Variants in PIK3C3 observed in about 807,000 individuals in gnomAD.
PIK3C3 encodes the protein phosphatidylinositol 3-kinase catalytic subunit type 3.
In PIK3C3, 95 loss-of-function variants were observed where a neutral mutation model predicts 126.1. The ratio of observed to expected loss-of-function variants is 0.75; its 90% CI spans 0.64 to 0.89. PIK3C3 has a LOEUF of 0.89. PIK3C3 is among the 40% of genes least tolerant of loss of function. The pLI, the probability that PIK3C3 is intolerant of heterozygous loss-of-function variation, is 0.00. For missense variants in PIK3C3, 829 were observed against 1,063.2 expected (o/e 0.78, Z 3.06); for synonymous variants, 374 against 360.0 (o/e 1.04, Z -0.44).
intron 21 of PIK3C3, among the ~76,000 whole-genome samples, chr18:42,054,316 G>C (rs900026530): frequency 6.6e-6 from 1 of 150,644 alleles, no homozygotes; most frequent in Non-Finnish European, 1.5e-5. Context: ...TCGGATGTTC[G>C]AGGGTAGGAA....
chr18:41,980,174 T>A (rs1055710708), intron 4 of PIK3C3, among the ~76,000 whole-genome samples: 46 of 152,308 alleles, frequency 3.0e-4, no homozygotes, highest in African/African-American at 1.0e-3. Flanking sequence ...CTAAAATTGC[T>A]TTCAATTGAT....
intron 3 of PIK3C3, 127 bp from the exon 4 acceptor site, chr18:41,970,200 G>T (rs1402623803): frequency 5.4e-6 from 4 of 733,998 alleles, no homozygotes; most frequent in Non-Finnish European, 9.1e-6. Context: ...TCCATTGGGG[G>T]CTTAAAGCTT....
Position 42,087,558 on chromosome 18 carries a change from A to G in PIK3C3, c.*6421A>G, listed in dbSNP as rs1029318535. ...TTGTCTATGTCTGCAGCTCAACTTTACAGGCTGCTCTTTGTTAGCAAATGA... is the reference window on the plus strand; with the variant it reads ...TTGTCTATGTCTGCAGCTCAACTTTGCAGGCTGCTCTTTGTTAGCAAATGA... On this transcript the variant is annotated 3_prime_UTR_variant, in exon 25 of 25. Coordinates refer to ENST00000262039, the MANE Select transcript of PIK3C3 (RefSeq NM_002647.4). The G allele has an allele frequency of 6.6e-6, 1 of 152,304 alleles. No individual in the cohort carries two copies. Among genetic ancestry groups the G allele is most frequent in the African/African-American group, 2.4e-5 (1 of 41,570 alleles). 9.4% of individuals were successfully genotyped at this position (152,304 alleles called of 1,614,324 possible).
chr18:42,048,774 T>G (rs1210335490), intron 20 of PIK3C3, among the ~76,000 whole-genome samples: 2 of 152,210 alleles, frequency 1.3e-5, no homozygotes, highest in African/African-American at 4.8e-5. Flanking sequence ...TTTTTACACA[T>G]GGGCTGAAAT....
intron 9 of PIK3C3, among the ~76,000 whole-genome samples, chr18:42,004,092 G>T (rs1191107008): frequency 6.6e-6 from 1 of 152,144 alleles, no homozygotes; most frequent in Admixed American, 6.5e-5. Context: ...ATAGCAAAAT[G>T]AAGAAAAGCC....
chr18:42,079,502 A>G (rs935914727), intron 24 of PIK3C3, among the ~76,000 whole-genome samples: 1 of 152,220 alleles, frequency 6.6e-6, no homozygotes, highest in Non-Finnish European at 1.5e-5. Context: ...ACAGAGACAC[A>G]AAGTGAACAT....
At chr18:42,031,812 CATTT>C (rs1300427271) in intron 15 of PIK3C3, among the ~76,000 whole-genome samples, 1 of 152,182 alleles carries the variant, frequency 6.6e-6, no homozygotes, top group Non-Finnish European at 1.5e-5. Context: ...GGATATTACT[CATTT>C]ATGTGTTCTA....
At chr18:42,060,669 AG>A (rs930304809) in intron 22 of PIK3C3, among the ~76,000 whole-genome samples, 2 of 151,998 alleles carry the variant, frequency 1.3e-5, no homozygotes, top group African/African-American at 4.8e-5. Flanking sequence ...CTCAGCTACT[AG>A]GGAGGCTGAG....
At chr18:42,004,676 A>G (rs1982457788) in intron 10 of PIK3C3, 135 bp downstream of exon 10, 9 of 647,986 alleles carry the variant, frequency 1.4e-5, no homozygotes, top group Admixed American at 3.6e-5. Context: ...AGAAGGGAAG[A>G]GGATATACTA....
intron 12 of PIK3C3, among the ~76,000 whole-genome samples, chr18:42,015,957 A>G (rs1196163990): frequency 6.6e-6 from 1 of 152,178 alleles, no homozygotes; most frequent in Non-Finnish European, 1.5e-5. Flanking sequence ...GCAACTTTTT[A>G]ACTATACATA....
intron 19 of PIK3C3, among the ~76,000 whole-genome samples, chr18:42,043,458 G>T (rs554268463): frequency 6.6e-6 from 1 of 152,172 alleles, no homozygotes; most frequent in East Asian, 1.9e-4. Context: ...GGTTTTGTTT[G>T]TTTGTTTGTT....
Position 42,085,673 on chromosome 18 carries a change from T to A in PIK3C3, c.*4536T>A, listed in dbSNP as rs1427327168. On this transcript the variant is annotated 3_prime_UTR_variant, in exon 25 of 25. Coordinates refer to ENST00000262039, the MANE Select transcript of PIK3C3 (RefSeq NM_002647.4). Reference sequence around the variant, plus strand: ...ATAACCCCCTAAATAAGAAGTCTGATTTATCTAAAATAGAAGTTAACATAG... The same window carrying A: ...ATAACCCCCTAAATAAGAAGTCTGAATTATCTAAAATAGAAGTTAACATAG... The A allele has an allele frequency of 1.3e-5, 2 of 152,332 alleles. No individual in the cohort carries two copies. The highest frequency in any genetic ancestry group is 2.9e-5 in the Non-Finnish European group (2 of 68,022). The allele number at this position is 152,332 out of a possible 1,614,324, so 9.4% of individuals were successfully genotyped here.
intron 4 of PIK3C3, among the ~76,000 whole-genome samples, chr18:41,987,510 C>T (rs1232262885): frequency 2.6e-5 from 4 of 151,948 alleles, no homozygotes; most frequent in Non-Finnish European, 5.9e-5. Flanking sequence ...AATTTCATCT[C>T]TTTGTAATAG....
chr18:41,965,757 T>C (rs1329307356), intron 3 of PIK3C3, among the ~76,000 whole-genome samples: 1 of 152,178 alleles, frequency 6.6e-6, no homozygotes, highest in East Asian at 1.9e-4. Context: ...TGTAATTCTG[T>C]GTATATCCCA....
At chr18:42,049,367 C>A in intron 20 of PIK3C3, 164 bp from the exon 21 acceptor site, 1 of 458,710 alleles carries the variant, frequency 2.2e-6, no homozygotes, top group South Asian at 4.5e-5. Context: ...CTTTGAGTTT[C>A]AAGTGACAGA....
chr18:42,023,568 T>C (rs1437045498), intron 13 of PIK3C3, among the ~76,000 whole-genome samples: 1 of 152,236 alleles, frequency 6.6e-6, no homozygotes, highest in Admixed American at 6.5e-5. Flanking sequence ...TAATTGTTTT[T>C]CCCATATTTA....
chr18:42,036,963 A>G (rs12606434), intron 16 of PIK3C3, among the ~76,000 whole-genome samples: 1 of 152,124 alleles, frequency 6.6e-6, no homozygotes, highest in Non-Finnish European at 1.5e-5. Context: ...TGTTTCATGC[A>G]CAAAATTACT....
intron 4 of PIK3C3, among the ~76,000 whole-genome samples, chr18:41,972,768 C>A (rs77681529): frequency 6.6e-6 from 1 of 152,028 alleles, no homozygotes; most frequent in Non-Finnish European, 1.5e-5. Context: ...GAAGGAAGCT[C>A]TTTTTATTTT....
rs571991003 is a variant in PIK3C3 at position 42,046,000 on chromosome 18, G to A, written c.2188+2183G>A. 2.0e-4 allele frequency among the ~76,000 whole-genome samples: 30 copies of A among 152,204 alleles called. 1 individual carries two copies. In the East Asian group the frequency reaches 5.8e-3, roughly 29 times the overall value. On this transcript the variant is annotated intron_variant, in intron 20 of 24. Coordinates refer to ENST00000262039, the MANE Select transcript of PIK3C3 (RefSeq NM_002647.4). The stretch of plus-strand genomic sequence containing the variant: ...TCAGAATGGTATGTTACAGGTACAT[G>A]CTTAATGTCGTACCATTGTGTCTTT...
Sources: gnomAD v4.1 joint callset for allele counts (sites outside exome capture counted in the v4.1 genomes callset) on GRCh38, gnomAD v4.1.1 for gene constraint, MANE v1.5 for transcripts, NCBI Gene and HGNC (gene_info 2026-07-23, HGNC 2026-07-21) for gene names.